CDH13: variants seen among roughly 807,000 people sequenced by gnomAD.
CDH13 encodes the protein cadherin-13.
In CDH13, 24 loss-of-function variants were observed where a neutral mutation model predicts 63.8. The observed-to-expected ratio is 0.38, with a 90% CI of 0.27 to 0.53. The LOEUF (loss-of-function observed/expected upper bound fraction) is 0.53, where lower values mean the gene tolerates loss of function less well. Ranked by LOEUF, CDH13 falls within the 20% of genes least tolerant of loss-of-function variation. The pLI is 0.85. For synonymous variants in CDH13, 503 were observed against 355.3 expected, an observed-to-expected ratio of 1.42 and a Z score of -4.67; for missense variants, 1,049 against 903.1, an observed-to-expected ratio of 1.16 and a Z score of -2.07.
chr16:82,989,881 G>A (rs1010962730), intron 2 of CDH13, among the ~76,000 whole-genome samples: 1 of 152,028 alleles, frequency 6.6e-6, no homozygotes, highest in Non-Finnish European at 1.5e-5. Context: ...CCTAATCATA[G>A]AAATTCTCTC....
intron 2 of CDH13, among the ~76,000 whole-genome samples, chr16:82,882,095 G>C (rs1018797868): frequency 2.0e-5 from 3 of 152,068 alleles, no homozygotes; most frequent in African/African-American, 7.2e-5. Flanking sequence ...TCACATCAGA[G>C]CTTTTTTAAA....
At chr16:83,658,042 CAGCAAGG>C (rs1913039881) in intron 8 of CDH13, among the ~76,000 whole-genome samples, 2 of 95,428 alleles carry the variant, frequency 2.1e-5, no homozygotes, top group Admixed American at 1.2e-4. Context: ...ATGTCCTCAC[CAGCAAGG>C]TCCCATATCC....
intron 7 of CDH13, among the ~76,000 whole-genome samples, chr16:83,508,048 A>AGAG (rs1491156511): frequency 4.4e-5 from 3 of 68,202 alleles, no homozygotes; most frequent in Non-Finnish European, 8.6e-5. Context: ...AGAAAGAGAG[A>AGAG]AAGAGAAGAA....
At chr16:82,851,619 T>A (rs1315073791) in intron 1 of CDH13, among the ~76,000 whole-genome samples, 1 of 151,890 alleles carries the variant, frequency 6.6e-6, no homozygotes, top group Admixed American at 6.6e-5. Context: ...ACCAGGAACA[T>A]TTTAAGGAGG....
At chr16:83,398,537 C>A (rs894173444) in intron 6 of CDH13, among the ~76,000 whole-genome samples, 4 of 152,318 alleles carry the variant, frequency 2.6e-5, no homozygotes, top group Non-Finnish European at 5.9e-5. Context: ...AGACACACCC[C>A]CACTTATTTT....
chr16:82,895,439 C>T (rs773316315), intron 2 of CDH13, among the ~76,000 whole-genome samples: 4 of 152,144 alleles, frequency 2.6e-5, no homozygotes, highest in Admixed American at 6.5e-5. Context: ...GTCTTTTCTT[C>T]ACTCTTTAAG....
chr16:83,308,945 G>A (rs1344764547), intron 5 of CDH13, among the ~76,000 whole-genome samples: 1 of 152,210 alleles, frequency 6.6e-6, no homozygotes, highest in African/African-American at 2.4e-5. Flanking sequence ...ACATTCAGAT[G>A]AAGGGAAAGA....
chr16:83,468,865 C>G (rs181740556), intron 6 of CDH13, among the ~76,000 whole-genome samples: 7 of 152,330 alleles, frequency 4.6e-5, no homozygotes, highest in Non-Finnish European at 7.3e-5. Flanking sequence ...CAACCCATCA[C>G]CTAGGCATTA....
chr16:82,852,978 A>T (rs574142034), intron 1 of CDH13, among the ~76,000 whole-genome samples: 1 of 152,048 alleles, frequency 6.6e-6, no homozygotes. Context: ...ATAAAAAAAA[A>T]CCCTTTCTTT....
At chr16:83,033,506 G>A (rs755526699) in intron 3 of CDH13, among the ~76,000 whole-genome samples, 68 of 152,016 alleles carry the variant, frequency 4.5e-4, no homozygotes, top group African/African-American at 6.3e-4. Flanking sequence ...CTATATATGC[G>A]CATATACTGT....
intron 8 of CDH13, among the ~76,000 whole-genome samples, chr16:83,616,295 C>T (rs1310646598): frequency 6.6e-6 from 1 of 152,128 alleles, no homozygotes; most frequent in Admixed American, 6.6e-5. Context: ...TTCTTCAAGT[C>T]ACTCCTAAAG....
At chr16:83,313,980 T>C (rs183628312) in intron 5 of CDH13, among the ~76,000 whole-genome samples, 9 of 152,314 alleles carry the variant, frequency 5.9e-5, no homozygotes, top group Admixed American at 5.2e-4. Context: ...ATGGAATGTA[T>C]TTTCCAGCAC....
At chr16:83,569,727 G>GT (rs1028651676) in intron 7 of CDH13, among the ~76,000 whole-genome samples, 2 of 151,864 alleles carry the variant, frequency 1.3e-5, no homozygotes, top group Non-Finnish European at 1.5e-5. Context: ...GAAGCCAATG[G>GT]TTTTTTTGTT....
intron 5 of CDH13, among the ~76,000 whole-genome samples, chr16:83,297,599 C>G (rs927791837): frequency 2.2e-4 from 33 of 151,978 alleles, no homozygotes; most frequent in Admixed American, 2.0e-3. Context: ...TCTCAGTGGT[C>G]TTTGTAGTTA....
chr16:82,655,943 G>T (rs553960100), intron 1 of CDH13, among the ~76,000 whole-genome samples: 16 of 152,134 alleles, frequency 1.1e-4, no homozygotes, highest in Non-Finnish European at 2.2e-4. Flanking sequence ...TCTGTATGAG[G>T]TTTGGCACCA....
At chr16:82,898,574 T>C (rs1447677197) in intron 2 of CDH13, among the ~76,000 whole-genome samples, 1 of 152,214 alleles carries the variant, frequency 6.6e-6, no homozygotes, top group Non-Finnish European at 1.5e-5. Context: ...ATTATAGCAC[T>C]GGTCTCATGG....
intron 5 of CDH13, among the ~76,000 whole-genome samples, chr16:83,334,185 C>A (rs1024974401): frequency 6.6e-6 from 1 of 152,056 alleles, no homozygotes; most frequent in East Asian, 1.9e-4. Flanking sequence ...TCCCTCTTAA[C>A]GACTCATGAT....
At chr16:82,685,467 T>C (rs183164279) in intron 1 of CDH13, among the ~76,000 whole-genome samples, 232 of 152,322 alleles carry the variant, frequency 1.5e-3, no homozygotes, top group African/African-American at 5.4e-3. Context: ...GGGTTAGACA[T>C]TTAACATATG....
At position 82,985,022 on chromosome 16, in the gene CDH13, G is replaced by A. The variant is rs536355013; in HGVS notation, c.158-46988G>A. On this transcript the variant is annotated intron_variant, in intron 2 of 13. Transcript: ENST00000567109. ...TGTGCCCAGCCCCTGTCTCAGTGAT[G>A]AGCAGGACAGCATGCATGGATCATT... 4.8e-4 allele frequency among the ~76,000 whole-genome samples: 73 copies of A among 152,278 alleles called. 1 individual carries two copies. The highest frequency in any genetic ancestry group is 1.7e-3 in the South Asian group (8 of 4,822).
Sources: gnomAD v4.1 joint callset for allele counts (sites outside exome capture counted in the v4.1 genomes callset) on GRCh38, gnomAD v4.1.1 for gene constraint, MANE v1.5 for transcripts, NCBI Gene and HGNC (gene_info 2026-07-23, HGNC 2026-07-21) for gene names.